The following PROM1 variants were observed in gnomAD, a reference collection of about 807,000 sequenced individuals.
PROM1 encodes prominin-1.
A neutral mutation model predicts 116.9 loss-of-function variants in PROM1; 105 were observed. The ratio of observed to expected loss-of-function variants is 0.90; its 90% CI spans 0.77 to 1.06. The LOEUF (loss-of-function observed/expected upper bound fraction) is 1.06. Ranked by LOEUF, PROM1 falls within the 50% of genes least tolerant of loss-of-function variation. The probability of loss-of-function intolerance (pLI) is 0.00; values close to 1 mark genes in which losing one functional copy is unlikely to be tolerated. For synonymous variants in PROM1, 393 were observed against 387.0 expected, an observed-to-expected ratio of 1.02 and a Z score of -0.18; for missense variants, 1,122 against 1,045.2, an observed-to-expected ratio of 1.07 and a Z score of -1.01.
At chr4:16,010,623 C>T (rs1477460824) in intron 11 of PROM1, among the ~76,000 whole-genome samples, 5 of 152,202 alleles carry the variant, frequency 3.3e-5, no homozygotes, top group Admixed American at 2.6e-4. Flanking sequence ...CCACCTCAGC[C>T]TCCCAAGTAG....
chr4:16,073,541 A>G (rs1428247663), intron 2 of PROM1, among the ~76,000 whole-genome samples: 9 of 152,184 alleles, frequency 5.9e-5, no homozygotes, highest in African/African-American at 2.2e-4. Context: ...GATGGAAGAA[A>G]ACCAACACCC....
At chr4:15,991,687 C>T (rs1250618356) in intron 17 of PROM1, among the ~76,000 whole-genome samples, 1 of 151,190 alleles carries the variant, frequency 6.6e-6, no homozygotes, top group African/African-American at 2.4e-5. Flanking sequence ...GTAATTCCAG[C>T]ACTTTGGGAG....
intron 11 of PROM1, among the ~76,000 whole-genome samples, chr4:16,009,589 G>A (rs1019713375): frequency 6.6e-6 from 1 of 151,978 alleles, no homozygotes; most frequent in Non-Finnish European, 1.5e-5. Flanking sequence ...TGACTCTAAC[G>A]TCCCCCTTAC....
At chr4:16,070,067 T>C (rs940486903) in intron 2 of PROM1, among the ~76,000 whole-genome samples, 4 of 152,214 alleles carry the variant, frequency 2.6e-5, no homozygotes, top group Admixed American at 1.3e-4. Flanking sequence ...CAGTTTACTA[T>C]GTATGGAGAA....
chr4:16,017,962 G>A (rs1210735150), intron 9 of PROM1, among the ~76,000 whole-genome samples: 3 of 152,106 alleles, frequency 2.0e-5, no homozygotes, highest in Non-Finnish European at 4.4e-5. Context: ...TGGGAAAATC[G>A]AATTTTCTTC....
rs142824302 is a variant in PROM1 at position 15,989,594 on chromosome 4, G to C, written c.2076+138C>G. On this transcript the variant is annotated intron_variant, in intron 19 of 27. Coordinates refer to ENST00000447510, the MANE Select transcript of PROM1 (RefSeq NM_006017.3). ...GTGCAATTATTTTGTCTAAAGGCCAGCTCAACTTCTGGGGCTGAAGCCAGT... is the reference window on the plus strand; with the variant it reads ...GTGCAATTATTTTGTCTAAAGGCCACCTCAACTTCTGGGGCTGAAGCCAGT... The C allele has an allele frequency of 6.3e-4, 468 of 741,902 alleles. 2 individuals carry two copies. Among genetic ancestry groups the C allele is most frequent in the Admixed American group, 1.9e-3 (91 of 48,880 alleles). 46.0% of individuals were successfully genotyped at this position (741,902 alleles called of 1,614,324 possible).
At chr4:16,022,205 C>T (rs760175897) in intron 8 of PROM1, among the ~76,000 whole-genome samples, 4 of 151,856 alleles carry the variant, frequency 2.6e-5, no homozygotes, top group Non-Finnish European at 4.4e-5. Flanking sequence ...GTGGAAAAAG[C>T]CAGGACAGGA....
At chr4:16,004,500 A>T (rs2149215106) in intron 13 of PROM1, among the ~76,000 whole-genome samples, 1 of 152,270 alleles carries the variant, frequency 6.6e-6, no homozygotes, top group African/African-American at 2.4e-5. Flanking sequence ...TTTCAGAGCA[A>T]TTTACCCTAC....
rs201644238 is a variant in PROM1 at position 15,994,044 on chromosome 4, G to A, written c.1710C>T (p.Tyr570=). ...AGCTGTTCTGCAGGTGAAGAGTGCC[G>A]TAAGTGCCTCTATTTTTTTTGCAGT... ...YSDCKKNRGT[Y]GTLHLQNSFN... Residue 570 remains tyrosine, a synonymous_variant, in exon 16 of 28, where the codon TAC becomes TAT. Coordinates refer to ENST00000447510, the MANE Select transcript of PROM1 (RefSeq NM_006017.3). 2.4e-5 allele frequency: 39 copies of A among 1,613,878 alleles called. No individual in the cohort carries two copies. In the East Asian group the frequency reaches 8.2e-4, roughly 34 times the overall value.
Position 15,980,526 on chromosome 4 carries a change from C to T in PROM1, c.2385G>A (p.Trp795Ter). 6.5e-7 allele frequency: 1 copy of T among 1,529,126 alleles called. No homozygotes were observed. Among genetic ancestry groups the T allele is most frequent in the Non-Finnish European group, 8.8e-7 (1 of 1,137,242 alleles). The allele number at this position is 1,529,126 out of a possible 1,614,324, so 94.7% of individuals were successfully genotyped here. Reference protein sequence around the residue: ...SYIIDPLNLFWFGIGKATVFL... With the variant: ...SYIIDPLNLF ...ATACAGTAGCTTTTCCTATGCCAAA[C>T]CAAAACAAATTCTAGGAAAAAAAAA... Residue 795 changes from tryptophan to a stop codon, truncating the protein, a stop_gained, in exon 24 of 28, where the codon TGG becomes TGA. Coordinates refer to ENST00000447510, the MANE Select transcript of PROM1 (RefSeq NM_006017.3). LOFTEE classifies it high-confidence loss of function.
intron 2 of PROM1, among the ~76,000 whole-genome samples, chr4:16,050,288 A>C (rs1737573901): frequency 6.6e-6 from 1 of 151,564 alleles, no homozygotes; most frequent in African/African-American, 2.4e-5. Context: ...ACACACACAC[A>C]CAAAAACTGA....
chr4:15,969,222 C>T lies in PROM1; in HGVS notation c.*171G>A, dbSNP rs1713768779. 6.6e-6 allele frequency: 1 copy of T among 152,150 alleles called. No homozygotes were observed. The highest frequency in any genetic ancestry group is 1.9e-4 in the East Asian group (1 of 5,198). 9.4% of individuals were successfully genotyped at this position (152,150 alleles called of 1,614,324 possible). A position where few individuals can be genotyped will look rare whatever the true frequency, so the allele number is the denominator to read the frequency against. ...AACGTGATTGTGTTCATTCTTAAAG[C>T]ACTACCCAGAGACCAATGGTGCCGT... On this transcript the variant is annotated 3_prime_UTR_variant, in exon 28 of 28. Coordinates refer to ENST00000447510, the MANE Select transcript of PROM1 (RefSeq NM_006017.3).
At chr4:16,019,287 T>A (rs1032038134) in intron 8 of PROM1, among the ~76,000 whole-genome samples, 1 of 152,250 alleles carries the variant, frequency 6.6e-6, no homozygotes, top group African/African-American at 2.4e-5. Flanking sequence ...GAAAGCCATA[T>A]GCATTCAGTT....
At chr4:16,010,901 G>A (rs555791782) in intron 11 of PROM1, among the ~76,000 whole-genome samples, 6 of 152,302 alleles carry the variant, frequency 3.9e-5, no homozygotes, top group East Asian at 1.9e-4. Flanking sequence ...GGTGTGACTC[G>A]TTAAGAAAGG....
intron 10 of PROM1, among the ~76,000 whole-genome samples, chr4:16,015,260 C>T (rs1386514988): frequency 2.2e-5 from 3 of 137,306 alleles, no homozygotes; most frequent in African/African-American, 8.0e-5. Context: ...GCATGAGAAT[C>T]GCTTGAACCT....
At chr4:16,050,078 T>G (rs1737496115) in intron 2 of PROM1, among the ~76,000 whole-genome samples, 2 of 151,888 alleles carry the variant, frequency 1.3e-5, no homozygotes. Context: ...CTGGCCAACA[T>G]GGTTAAACCC....
At chr4:15,983,576 G>A (rs1212518336) in intron 23 of PROM1, among the ~76,000 whole-genome samples, 1 of 152,200 alleles carries the variant, frequency 6.6e-6, no homozygotes, top group Non-Finnish European at 1.5e-5. Flanking sequence ...GAAACGGCAT[G>A]TGCATGGGCC....
rs1236021544 is a variant in PROM1, at chr4:15,984,471, G to A, written c.2281-116C>T. The A allele has an allele frequency of 8.5e-6, 6 of 708,904 alleles. No individual in the cohort carries two copies. The African/African-American group carries it at 1.1e-4, about 13-fold the overall frequency. 43.9% of individuals were successfully genotyped at this position (708,904 alleles called of 1,614,324 possible). A position where few individuals can be genotyped will look rare whatever the true frequency, so the allele number is the denominator to read the frequency against. ...CAAAAAGGATCTCCATGTCCTCTAA[G>A]ACAGGGGTCCCCAACTCCTGGGTCA... On this transcript the variant is annotated intron_variant, in intron 22 of 27. Coordinates refer to ENST00000447510, the MANE Select transcript of PROM1 (RefSeq NM_006017.3).
chr4:16,025,792 T>C (rs17387501), intron 5 of PROM1, among the ~76,000 whole-genome samples: 6,095 of 151,952 alleles, frequency 0.04, 145 homozygotes, highest in Middle Eastern at 0.075. Flanking sequence ...ATCAAAATGG[T>C]TAAGAGTACT....
Sources: gnomAD v4.1 joint callset for allele counts (sites outside exome capture counted in the v4.1 genomes callset) on GRCh38, gnomAD v4.1.1 for gene constraint, MANE v1.5 for transcripts, NCBI Gene and HGNC (gene_info 2026-07-23, HGNC 2026-07-21) for gene names.